Variants in PRPF6 observed in about 807,000 individuals in gnomAD.
PRPF6 encodes pre-mRNA processing factor 6.
PRPF6 carries 42 observed loss-of-function variants against 118.3 expected under a neutral mutation model. The observed-to-expected ratio is 0.35, with a 90% CI of 0.28 to 0.46. The LOEUF is 0.46. PRPF6 is among the 20% of genes least tolerant of loss of function. PRPF6 has a pLI of 1.00. For synonymous variants in PRPF6, 481 were observed against 485.1 expected (o/e 0.99, Z 0.11); for missense variants, 662 against 1,255.7 (o/e 0.53, Z 7.15).
chr20:64,023,458 C>T (rs1289095727), intron 13 of PRPF6, among the ~76,000 whole-genome samples: 6 of 152,224 alleles, frequency 3.9e-5, no homozygotes, highest in Non-Finnish European at 8.8e-5. Flanking sequence ...TCCCCACGCA[C>T]CCTCTGTCCG....
At position 64,027,959 on chromosome 20, in the gene PRPF6, G is replaced by A. The variant is rs1569225942; in HGVS notation, c.2339+223G>A. Among the ~76,000 whole-genome samples the A allele has an allele frequency of 6.6e-6, 1 of 152,280 alleles. No individual in the cohort carries two copies. Among genetic ancestry groups the A allele is most frequent in the South Asian group, 2.1e-4 (1 of 4,828 alleles). On this transcript the variant is annotated intron_variant, in intron 17 of 20. Coordinates refer to ENST00000266079, the MANE Select transcript of PRPF6 (RefSeq NM_012469.4). This position sits in a 1 kb window ranked among gnomAD's most constrained non-coding sequence, Gnocchi z 6.5. The stretch of plus-strand genomic sequence containing the variant: ...GATGGTTTGATGCAGTTTAATTTGT[G>A]TTCTGATGGAGGGCGCCTGGGAGAG...
rs1190806126 is a variant in PRPF6, at chr20:63,990,797, G to A, written c.360-2610G>A. Among the ~76,000 whole-genome samples, 6 of 151,780 alleles carry A rather than the reference G, an allele frequency of 4.0e-5. No homozygotes were observed. In the East Asian group the frequency reaches 7.8e-4, roughly 20 times the overall value. On this transcript the variant is annotated intron_variant, in intron 3 of 20. Coordinates refer to ENST00000266079, the MANE Select transcript of PRPF6 (RefSeq NM_012469.4). Reference sequence around the variant, plus strand: ...GTGGCTGGGATTACAGGCATGCACCGCCACGCCCGGCTGATTTTTGTAGAG... The same window carrying A: ...GTGGCTGGGATTACAGGCATGCACCACCACGCCCGGCTGATTTTTGTAGAG...
chr20:64,028,105 A>G lies in PRPF6; in HGVS notation c.2339+369A>G, dbSNP rs1184391467. ...AGCCTGCTAGGTGCAGGCTCTGTTC[A>G]TGGAGGTGCTGCGTCCAGCTCAGGG... On this transcript the variant is annotated intron_variant, in intron 17 of 20. Transcript: ENST00000266079. The surrounding 1 kb of genome is among the most constrained non-coding windows in gnomAD (Gnocchi z 6.5). Among the ~76,000 whole-genome samples, 1 of 152,096 alleles carries G rather than the reference A, an allele frequency of 6.6e-6. No individual in the cohort carries two copies. The highest frequency in any genetic ancestry group is 2.1e-4 in the South Asian group (1 of 4,828).
chr20:64,027,270 G>T lies in PRPF6; in HGVS notation c.2205+112G>T. On this transcript the variant is annotated intron_variant, in intron 16 of 20. Transcript: ENST00000266079. The surrounding 1 kb of genome is among the most constrained non-coding windows in gnomAD (Gnocchi z 6.5). ...TCTGAGGAGATGTGGAGGGCTGGGGGTTACAGCTGATGGAGCTGCAGACTC... is the reference window on the plus strand; with the variant it reads ...TCTGAGGAGATGTGGAGGGCTGGGGTTTACAGCTGATGGAGCTGCAGACTC... 1.4e-6 allele frequency: 2 copies of T among 1,386,204 alleles called. No homozygotes were observed. Among genetic ancestry groups the T allele is most frequent in the Non-Finnish European group, 2.0e-6 (2 of 998,724 alleles). 85.9% of individuals were successfully genotyped at this position (1,386,204 alleles called of 1,614,324 possible). A position where few individuals can be genotyped will look rare whatever the true frequency, so the allele number is the denominator to read the frequency against.
intron 13 of PRPF6, among the ~76,000 whole-genome samples, chr20:64,024,259 T>C (rs1422877090): frequency 6.6e-6 from 1 of 152,206 alleles, no homozygotes; most frequent in East Asian, 1.9e-4. Context: ...ACTGAGGTTA[T>C]TGCTGCTTCC....
chr20:63,998,136 C>G (rs1448482891), intron 6 of PRPF6, among the ~76,000 whole-genome samples: 2 of 151,816 alleles, frequency 1.3e-5, no homozygotes, highest in Non-Finnish European at 1.5e-5. Context: ...GCTCTGTCAC[C>G]CAGGCTGGAG....
chr20:64,015,242 G>A (rs114598703), intron 11 of PRPF6, among the ~76,000 whole-genome samples: 1 of 152,368 alleles, frequency 6.6e-6, no homozygotes, highest in African/African-American at 2.4e-5. Context: ...CATGGAGGAA[G>A]AGCCAGCGCA....
Position 64,029,847 on chromosome 20 carries a change from C to CAGA in PRPF6, c.2546+357_2546+359dup, listed in dbSNP as rs1400792341. 6.6e-6 allele frequency among the ~76,000 whole-genome samples: 1 copy of CAGA among 151,628 alleles called. No homozygotes were observed. The highest frequency in any genetic ancestry group is 1.5e-5 in the Non-Finnish European group (1 of 67,956). On this transcript the variant is annotated intron_variant, in intron 19 of 20. Transcript: ENST00000266079. This position sits in a 1 kb window ranked among gnomAD's most constrained non-coding sequence, Gnocchi z 4.8. The stretch of plus-strand genomic sequence containing the variant: ...CACACTGGTGCTCTGGTCGCCGGGT[C>CAGA]AGAGACTCACTGGGGACGCATGTGA...
At chr20:64,009,593 C>T (rs986684883) in intron 9 of PRPF6, among the ~76,000 whole-genome samples, 4 of 152,028 alleles carry the variant, frequency 2.6e-5, no homozygotes, top group African/African-American at 7.2e-5. Context: ...CGTGGTGGTG[C>T]GCACCTGTAG....
At chr20:64,032,772 G>A (rs923141901) in intron 20 of PRPF6, 69 bp from the exon 21 acceptor site, 197 of 1,545,534 alleles carry the variant, frequency 1.3e-4, no homozygotes, top group African/African-American at 8.2e-5. Flanking sequence ...GGGGCCAGGC[G>A]AGAAGCAGGC....
At chr20:64,005,467 T>G (rs2059186012) in intron 9 of PRPF6, among the ~76,000 whole-genome samples, 1 of 152,180 alleles carries the variant, frequency 6.6e-6, no homozygotes, top group African/African-American at 2.4e-5. Flanking sequence ...TCGTTCTGTG[T>G]CTTCTCTCTA....
intron 2 of PRPF6, among the ~76,000 whole-genome samples, chr20:63,983,634 C>T (rs1234909630): frequency 6.7e-6 from 1 of 148,932 alleles, no homozygotes; most frequent in African/African-American, 2.5e-5. Flanking sequence ...ACTGCCTTGG[C>T]ATTTCCTATT....
Position 64,032,196 on chromosome 20 carries a change from G to A in PRPF6, c.2673+152G>A, listed in dbSNP as rs558020125. The A allele has an allele frequency of 6.5e-5, 80 of 1,230,734 alleles. No individual in the cohort carries two copies. In the Admixed American group the frequency reaches 7.4e-4, roughly 11 times the overall value. 76.2% of individuals were successfully genotyped at this position (1,230,734 alleles called of 1,614,324 possible). On this transcript the variant is annotated intron_variant, in intron 20 of 20. Transcript: ENST00000266079. ...CGGGTGTGTGGGGCACAGAATCCTC[G>A]ACACCTCCCCACAAGGCAGTCTCTG...
Position 63,995,004 on chromosome 20 carries a change from A to T in PRPF6, c.527A>T (p.Tyr176Phe). The change falls in exon 5 of 21, where the codon TAT becomes TTT. Residue 176 changes from tyrosine (Y) to phenylalanine (F), a missense_variant. Around this residue, in one of 10 missense-constraint regions of PRPF6, gnomAD observed 97 missense variants for 122.6 expected, o/e 0.79. Coordinates refer to ENST00000266079, the MANE Select transcript of PRPF6 (RefSeq NM_012469.4). Reference protein sequence around the residue: ...ARNKRQRNPRYEKLTPVPDSF... With the variant: ...ARNKRQRNPRFEKLTPVPDSF... Reference sequence around the variant, plus strand: ...AATAAACGTCAGCGGAACCCACGCTATGAGAAGCTGACCCCTGTTCCTGAC... The same window carrying T: ...AATAAACGTCAGCGGAACCCACGCTTTGAGAAGCTGACCCCTGTTCCTGAC... 1 of 1,614,208 alleles carries T rather than the reference A, an allele frequency of 6.2e-7. No individual in the cohort carries two copies. The highest frequency in any genetic ancestry group is 2.2e-5 in the East Asian group (1 of 44,886).
At chr20:63,993,534 C>A (rs755333188) in intron 4 of PRPF6, 49 bp downstream of exon 4, 1 of 1,478,950 alleles carries the variant, frequency 6.8e-7, no homozygotes, top group Non-Finnish European at 9.4e-7. Context: ...CGCTCTCACC[C>A]TAACCCGCAG....
chr20:64,019,097 T>G (rs2059251971), intron 12 of PRPF6, among the ~76,000 whole-genome samples: 1 of 148,486 alleles, frequency 6.7e-6, no homozygotes, highest in African/African-American at 2.5e-5. Context: ...TGTTGGTTTT[T>G]TTTTTTTTTT....
rs34937422 is a variant in PRPF6, at chr20:64,009,024, C to A, written c.1187-1176C>A. 2.4e-3 allele frequency among the ~76,000 whole-genome samples: 365 copies of A among 152,156 alleles called. 1 individual carries two copies. Among genetic ancestry groups the A allele is most frequent in the Non-Finnish European group, 4.4e-3 (296 of 68,000 alleles). ...TTTAGGTCGGGCGTGGTGGCTCATG[C>A]CTGTAATCCCAGCACTTCGGGAGGC... is the stretch of plus-strand genomic sequence containing the variant. On this transcript the variant is annotated intron_variant, in intron 9 of 20. Transcript: ENST00000266079.
At chr20:64,032,086 C>T in intron 20 of PRPF6, 42 bp downstream of exon 20, 1 of 1,612,684 alleles carries the variant, frequency 6.2e-7, no homozygotes, top group South Asian at 1.1e-5. Context: ...CCTTCTGGGA[C>T]TGTGGCGGGG....
At chr20:63,986,838 T>C (rs913344365) in intron 3 of PRPF6, among the ~76,000 whole-genome samples, 2 of 151,372 alleles carry the variant, frequency 1.3e-5, no homozygotes, top group Non-Finnish European at 2.9e-5. Context: ...TCAACATTCC[T>C]TGATGATAAA....
Sources: allele counts gnomAD v4.1 joint callset (sites outside exome capture counted in the v4.1 genomes callset), GRCh38; gene constraint gnomAD v4.1.1; regional missense constraint gnomAD v4.1.1; non-coding constraint Gnocchi (gnomAD v3.1); transcripts MANE v1.5; gene names NCBI Gene and HGNC (gene_info 2026-07-23, HGNC 2026-07-21).